Variants in TMEM132B observed in about 807,000 individuals in gnomAD.
The protein encoded by TMEM132B is transmembrane protein 132B.
A neutral mutation model predicts 90.8 loss-of-function variants in TMEM132B; 18 were observed. The observed-to-expected ratio is 0.20, with a 90% CI of 0.14 to 0.29. The LOEUF is 0.29. TMEM132B is among the 10% of genes least tolerant of loss of function. The pLI is 1.00. For synonymous variants in TMEM132B, 504 were observed against 523.3 expected (o/e 0.96, Z 0.50); for missense variants, 1,096 against 1,326.8 (o/e 0.83, Z 2.70).
chr12:125,643,623 C>T lies in TMEM132B; in HGVS notation c.1438-453C>T, dbSNP rs375173968. Among the ~76,000 whole-genome samples the T allele has an allele frequency of 1.6e-4, 24 of 152,280 alleles. No homozygotes were observed. In the South Asian group the frequency reaches 4.6e-3, roughly 29 times the overall value. On this transcript the variant is annotated intron_variant, in intron 5 of 8. Coordinates refer to ENST00000682704, the MANE Select transcript of TMEM132B (RefSeq NM_001366854.1). Reference sequence around the variant, plus strand: ...ACCAGGATTTTAATCTAGTGCAAAGCTCTCCTGATTTTTCAGAGAACCTCA... The same window carrying T: ...ACCAGGATTTTAATCTAGTGCAAAGTTCTCCTGATTTTTCAGAGAACCTCA...
intron 4 of TMEM132B, among the ~76,000 whole-genome samples, chr12:125,573,154 A>G (rs1346184789): frequency 6.6e-6 from 1 of 152,154 alleles, no homozygotes; most frequent in Non-Finnish European, 1.5e-5. Flanking sequence ...TCTGGGTACT[A>G]GGTGTGCTGA....
At chr12:125,241,777 AAC>A (rs1286234868) in intron 1 of TMEM132B, among the ~76,000 whole-genome samples, 3 of 152,180 alleles carry the variant, frequency 2.0e-5, no homozygotes, top group African/African-American at 7.2e-5. Context: ...CTAGGAAACT[AAC>A]ACAGTTTCTA....
chr12:125,599,673 CA>C (rs1467133740), intron 5 of TMEM132B, among the ~76,000 whole-genome samples: 1 of 152,088 alleles, frequency 6.6e-6, no homozygotes, highest in Non-Finnish European at 1.5e-5. Context: ...ATCCCTTCTG[CA>C]GGAGTTTTTG....
intron 3 of TMEM132B, among the ~76,000 whole-genome samples, chr12:125,505,950 T>C (rs146625312): frequency 8.6e-4 from 131 of 152,364 alleles, no homozygotes; most frequent in African/African-American, 3.1e-3. Context: ...GTAATGCTTA[T>C]AAATTTCCCA....
At position 125,415,780 on chromosome 12, in the gene TMEM132B, G is replaced by A; in HGVS notation, c.1106+103G>A. 2.2e-6 allele frequency: 3 copies of A among 1,372,666 alleles called. No individual in the cohort carries two copies. The highest frequency in any genetic ancestry group is 2.9e-6 in the Non-Finnish European group (3 of 1,041,194). The allele number at this position is 1,372,666 out of a possible 1,614,324, so 85.0% of individuals were successfully genotyped here. On this transcript the variant is annotated intron_variant, in intron 3 of 8. Coordinates refer to ENST00000682704, the MANE Select transcript of TMEM132B (RefSeq NM_001366854.1). The surrounding 1 kb of genome is among the most constrained non-coding windows in gnomAD (Gnocchi z 5.3). The stretch of plus-strand genomic sequence containing the variant: ...TGCGTGTGGATAAAGCGATGCCTCT[G>A]CGTTTAATGAGAAATGATTTTTGAG...
intron 3 of TMEM132B, among the ~76,000 whole-genome samples, chr12:125,449,292 C>T (rs1455945598): frequency 6.6e-6 from 1 of 152,088 alleles, no homozygotes; most frequent in South Asian, 2.1e-4. Flanking sequence ...GAGGAAATAT[C>T]TGGTCAGTTT....
chr12:125,442,138 C>T (rs543764269), intron 3 of TMEM132B, among the ~76,000 whole-genome samples: 2 of 152,262 alleles, frequency 1.3e-5, no homozygotes, highest in African/African-American at 4.8e-5. Flanking sequence ...GAGGCCTAGG[C>T]CATGATTTAT....
In TMEM132B at chr12:125,349,300, A is replaced by G. The variant is rs543033808; in HGVS notation, c.68-152A>G. ...GGGAAGATCCTGAAGACCATACTTT[A>G]TATAATTACAGGGCTTTCACTGTGA... On this transcript the variant is annotated intron_variant, in intron 1 of 8. Transcript: ENST00000682704. This position sits in a 1 kb window ranked among gnomAD's most constrained non-coding sequence, Gnocchi z 4.1. 25 of 801,682 alleles carry G rather than the reference A, an allele frequency of 3.1e-5. No individual in the cohort carries two copies. Among genetic ancestry groups the G allele is most frequent in the Middle Eastern group, 3.7e-4 (1 of 2,682 alleles). 49.7% of individuals were successfully genotyped at this position (801,682 alleles called of 1,614,324 possible). A position where few individuals can be genotyped will look rare whatever the true frequency, so the allele number is the denominator to read the frequency against.
At chr12:125,190,571 G>C (rs1221270296) in intron 1 of TMEM132B, among the ~76,000 whole-genome samples, 2 of 127,000 alleles carry the variant, frequency 1.6e-5, no homozygotes, top group Non-Finnish European at 3.3e-5. Flanking sequence ...GATGGTGATA[G>C]GGAAGGGGTG....
At chr12:125,206,138 G>A (rs1026551741) in intron 1 of TMEM132B, among the ~76,000 whole-genome samples, 1 of 152,054 alleles carries the variant, frequency 6.6e-6, no homozygotes, top group African/African-American at 2.4e-5. Context: ...AGCTTTTTTC[G>A]CTTAGTTTTT....
chr12:125,433,043 A>G (rs540463744), intron 3 of TMEM132B, among the ~76,000 whole-genome samples: 21 of 152,318 alleles, frequency 1.4e-4, no homozygotes, highest in African/African-American at 5.1e-4. Flanking sequence ...ACTTTAAGCA[A>G]GTGTCGGAGC....
At chr12:125,541,475 A>G (rs1000757982) in intron 4 of TMEM132B, among the ~76,000 whole-genome samples, 2 of 152,202 alleles carry the variant, frequency 1.3e-5, no homozygotes, top group Non-Finnish European at 2.9e-5. Context: ...ATGTGACTGC[A>G]TGGGCCTTGA....
chr12:125,525,511 A>G (rs941218169), intron 4 of TMEM132B, among the ~76,000 whole-genome samples: 9 of 152,236 alleles, frequency 5.9e-5, no homozygotes, highest in Non-Finnish European at 1.2e-4. Flanking sequence ...ACAAGGCACC[A>G]TCTTGGAAGC....
intron 1 of TMEM132B, among the ~76,000 whole-genome samples, chr12:125,270,134 G>GTGTGTGTGTT (rs1401023180): frequency 6.6e-6 from 1 of 151,664 alleles, no homozygotes; most frequent in Non-Finnish European, 1.5e-5. Flanking sequence ...GTGTGTGTGT[G>GTGTGTGTGTT]TGTGTGTGTG....
chr12:125,614,352 G>A (rs1383218262), intron 5 of TMEM132B, among the ~76,000 whole-genome samples: 1 of 152,274 alleles, frequency 6.6e-6, no homozygotes, highest in Non-Finnish European at 1.5e-5. Flanking sequence ...ACTTATAAGT[G>A]AGAACATGCA....
chr12:125,306,219 C>T (rs143381541), intron 1 of TMEM132B, among the ~76,000 whole-genome samples: 49 of 152,266 alleles, frequency 3.2e-4, no homozygotes, highest in African/African-American at 7.5e-4. Context: ...TGGACTCTTA[C>T]GACAAATGTG....
intron 6 of TMEM132B, among the ~76,000 whole-genome samples, chr12:125,649,165 A>T (rs1346314284): frequency 6.6e-6 from 1 of 152,092 alleles, no homozygotes; most frequent in African/African-American, 2.4e-5. Context: ...TGCTGGTGAA[A>T]ATTTTTCTAC....
intron 5 of TMEM132B, among the ~76,000 whole-genome samples, chr12:125,637,394 T>A (rs2137010691): frequency 6.6e-6 from 1 of 152,300 alleles, no homozygotes; most frequent in South Asian, 2.1e-4. Flanking sequence ...TTAGAAAGTT[T>A]ATTTTGCCAA....
intron 1 of TMEM132B, among the ~76,000 whole-genome samples, chr12:125,293,292 A>G (rs991968043): frequency 6.8e-4 from 103 of 152,186 alleles, no homozygotes; most frequent in African/African-American, 2.5e-3. Flanking sequence ...AGTTTTATTT[A>G]ACTTTATTTT....
Sources: allele counts gnomAD v4.1 joint callset (sites outside exome capture counted in the v4.1 genomes callset), GRCh38; gene constraint gnomAD v4.1.1; non-coding constraint Gnocchi (gnomAD v3.1); transcripts MANE v1.5; gene names NCBI Gene and HGNC (gene_info 2026-07-23, HGNC 2026-07-21).